KANK1: variants seen among roughly 807,000 people sequenced by gnomAD.
KANK1 encodes the protein KN motif and ankyrin repeat domain-containing protein 1.
A neutral mutation model predicts 106.2 loss-of-function variants in KANK1; 109 were observed. That is an observed-to-expected ratio of 1.03 (90% CI 0.88 to 1.20). KANK1 has a LOEUF of 1.20. Among genes scored for constraint, KANK1 ranks in the 50% most tolerant of loss-of-function variants. The pLI is 0.00. For missense variants in KANK1, 2,399 were observed against 1,710.7 expected (o/e 1.40, Z -7.10); for synonymous variants, 873 against 652.2 (o/e 1.34, Z -5.16).
intron 3 of KANK1, among the ~76,000 whole-genome samples, chr9:475,861 A>ATTTC (rs1001824824): frequency 6.6e-6 from 1 of 151,898 alleles, no homozygotes; most frequent in Non-Finnish European, 1.5e-5. Context: ...TTATTTATTT[A>ATTTC]TTTATTTTTG....
intron 1 of KANK1, among the ~76,000 whole-genome samples, chr9:594,625 A>G (rs1271090521): frequency 6.6e-6 from 1 of 151,916 alleles, no homozygotes; most frequent in African/African-American, 2.4e-5. Flanking sequence ...AAAATGTCTT[A>G]AGATACAATG....
chr9:723,002 G>C (rs2131395790), intron 3 of KANK1, among the ~76,000 whole-genome samples: 1 of 152,316 alleles, frequency 6.6e-6, no homozygotes, highest in South Asian at 2.1e-4. Flanking sequence ...ATAGAAAAAA[G>C]ACTAGAGAAG....
chr9:741,014 G>T, intron 9 of KANK1, 80 bp downstream of exon 9: 2 of 1,508,480 alleles, frequency 1.3e-6, no homozygotes, highest in Non-Finnish European at 9.0e-7. Context: ...TGGCAGAGCA[G>T]GCATAGATGC....
At chr9:555,237 TG>T (rs1236987123) in intron 1 of KANK1, among the ~76,000 whole-genome samples, 1 of 152,196 alleles carries the variant, frequency 6.6e-6, no homozygotes, top group Non-Finnish European at 1.5e-5. Context: ...CAAAGCAGGA[TG>T]GCGATCTGAA....
At chr9:548,598 T>C (rs1309843670) in intron 1 of KANK1, among the ~76,000 whole-genome samples, 1 of 152,172 alleles carries the variant, frequency 6.6e-6, no homozygotes, top group Non-Finnish European at 1.5e-5. Context: ...AGTTGTAATA[T>C]AGGAAATTTT....
In KANK1 at chr9:512,582, C is replaced by T. The variant is rs181467700; in HGVS notation, c.-84+7828C>T. Reference sequence around the variant, plus strand: ...TAACCATCATACCCTGCTACGAGCACCTTGGGTAAACCAGTTGGAAGCTTC... The same window carrying T: ...TAACCATCATACCCTGCTACGAGCATCTTGGGTAAACCAGTTGGAAGCTTC... On this transcript the variant is annotated intron_variant, in intron 1 of 11. Coordinates refer to ENST00000382297, the MANE Select transcript of KANK1 (RefSeq NM_015158.5). Among the ~76,000 whole-genome samples the T allele has an allele frequency of 2.8e-4, 43 of 152,252 alleles. No individual in the cohort carries two copies. In the East Asian group the frequency reaches 7.7e-3, roughly 27 times the overall value.
intron 1 of KANK1, among the ~76,000 whole-genome samples, chr9:591,813 G>A (rs1382082168): frequency 6.6e-6 from 1 of 151,498 alleles, no homozygotes; most frequent in Admixed American, 6.6e-5. Flanking sequence ...TGCCCACTAC[G>A]ACGCCCAGCT....
In KANK1 at chr9:641,997, C is replaced by T. The variant is rs1295476393; in HGVS notation, c.-83-34893C>T. On this transcript the variant is annotated intron_variant, in intron 1 of 11. Transcript: ENST00000382297. ...AAAAGCCGATTTCCTCCCCAACCACCACACACCCCCCAGCACTAGGCAATC... is the reference window on the plus strand; with the variant it reads ...AAAAGCCGATTTCCTCCCCAACCACTACACACCCCCCAGCACTAGGCAATC... Among the ~76,000 whole-genome samples the T allele has an allele frequency of 3.3e-5, 5 of 152,268 alleles. No homozygotes were observed. In the East Asian group the frequency reaches 9.6e-4, roughly 29 times the overall value.
intron 2 of KANK1, among the ~76,000 whole-genome samples, chr9:691,116 C>A (rs1459699614): frequency 6.6e-6 from 1 of 152,184 alleles, no homozygotes; most frequent in African/African-American, 2.4e-5. Flanking sequence ...CCCTTGTCAT[C>A]GTCTGATAAA....
intron 1 of KANK1, among the ~76,000 whole-genome samples, chr9:522,475 A>G (rs1186678986): frequency 6.6e-6 from 1 of 151,504 alleles, no homozygotes; most frequent in African/African-American, 2.4e-5. Context: ...TCTGTGGCAT[A>G]CTGGGGGTAC....
chr9:697,023 C>G (rs1351065936), intron 2 of KANK1, among the ~76,000 whole-genome samples: 1 of 152,022 alleles, frequency 6.6e-6, no homozygotes, highest in Non-Finnish European at 1.5e-5. Flanking sequence ...TCATGTCTTC[C>G]TCACCCAGAC....
chr9:620,512 C>T (rs1262820501), intron 1 of KANK1, among the ~76,000 whole-genome samples: 1 of 151,990 alleles, frequency 6.6e-6, no homozygotes, highest in Non-Finnish European at 1.5e-5. Context: ...AAGCGATTCT[C>T]CTGCCTCTGC....
At chr9:560,871 A>T (rs371161719) in intron 1 of KANK1, among the ~76,000 whole-genome samples, 1 of 152,104 alleles carries the variant, frequency 6.6e-6, no homozygotes, top group African/African-American at 2.4e-5. Context: ...GAGTCGGGGG[A>T]AAGTTGCATG....
At chr9:581,313 A>G (rs1822091602) in intron 1 of KANK1, among the ~76,000 whole-genome samples, 1 of 152,240 alleles carries the variant, frequency 6.6e-6, no homozygotes, top group Non-Finnish European at 1.5e-5. Flanking sequence ...TCACCTCTCA[A>G]TGCCTATCTT....
chr9:720,711 C>CAG (rs1829083934), intron 3 of KANK1, among the ~76,000 whole-genome samples: 1 of 152,162 alleles, frequency 6.6e-6, no homozygotes. Flanking sequence ...GGTTGGAATG[C>CAG]AGTCTCAATC....
chr9:697,575 C>T (rs1821627981), intron 2 of KANK1, among the ~76,000 whole-genome samples: 1 of 152,136 alleles, frequency 6.6e-6, no homozygotes, highest in South Asian at 2.1e-4. Flanking sequence ...CTAGCCTTAG[C>T]TAGTGATTCC....
chr9:690,964 C>T (rs1018655262), intron 2 of KANK1, among the ~76,000 whole-genome samples: 2 of 152,220 alleles, frequency 1.3e-5, no homozygotes, highest in African/African-American at 2.4e-5. Context: ...CATCTTCCCA[C>T]ATCTTACTTG....
At chr9:508,891 A>T (rs570137475) in intron 1 of KANK1, among the ~76,000 whole-genome samples, 89 of 152,312 alleles carry the variant, frequency 5.8e-4, no homozygotes, top group African/African-American at 2.1e-3. Flanking sequence ...TATCCAATAC[A>T]AATGTGTACA....
intron 1 of KANK1, among the ~76,000 whole-genome samples, chr9:573,653 C>A (rs1452422139): frequency 6.6e-6 from 1 of 151,976 alleles, no homozygotes; most frequent in Non-Finnish European, 1.5e-5. Context: ...TTAAGTAAGT[C>A]GCGGGCATTT....
Sources: allele counts gnomAD v4.1 joint callset (sites outside exome capture counted in the v4.1 genomes callset), GRCh38; gene constraint gnomAD v4.1.1; transcripts MANE v1.5; gene names NCBI Gene and HGNC (gene_info 2026-07-23, HGNC 2026-07-21).